AGAP1: variants seen among roughly 807,000 people sequenced by gnomAD.
AGAP1 encodes the protein ArfGAP with GTPase domain, ankyrin repeat and PH domain 1, also known as arf-GAP with GTPase, ANK repeat and PH domain-containing protein 1.
In AGAP1, 29 loss-of-function variants were observed where a neutral mutation model predicts 105.3. The ratio of observed to expected loss-of-function variants is 0.28; its 90% CI spans 0.21 to 0.38. The LOEUF (loss-of-function observed/expected upper bound fraction) is 0.38. Among genes scored for constraint, AGAP1 ranks in the 10% least tolerant of loss-of-function variants. The pLI is 1.00. For missense variants in AGAP1, 998 were observed against 1,165.1 expected (o/e 0.86, Z 2.09); for synonymous variants, 509 against 485.9 (o/e 1.05, Z -0.63).
Position 235,883,490 on chromosome 2 carries a change from T to C in AGAP1, c.1155+41T>C. 1 of 1,522,758 alleles carries C rather than the reference T, an allele frequency of 6.6e-7. No homozygotes were observed. The highest frequency in any genetic ancestry group is 9.1e-7 in the Non-Finnish European group (1 of 1,100,778). The allele number at this position is 1,522,758 out of a possible 1,614,324, so 94.3% of individuals were successfully genotyped here. On this transcript the variant is annotated intron_variant, in intron 10 of 17. Transcript: ENST00000304032. The surrounding 1 kb of genome is among the most constrained non-coding windows in gnomAD (Gnocchi z 4.5). ...TCGGAGCAATTAACAGCTGCAGACC[T>C]CAACTAAACACTGTGGGGAAGGGGA... is the stretch of plus-strand genomic sequence containing the variant.
intron 1 of AGAP1, among the ~76,000 whole-genome samples, chr2:235,684,370 AC>A (rs1164745107): frequency 1.3e-5 from 2 of 152,118 alleles, no homozygotes; most frequent in Non-Finnish European, 2.9e-5. Flanking sequence ...CAATCACGAG[AC>A]CCAGCCCATC....
chr2:235,521,558 A>G (rs143588914), intron 1 of AGAP1, among the ~76,000 whole-genome samples: 2 of 152,290 alleles, frequency 1.3e-5, no homozygotes, highest in African/African-American at 4.8e-5. Context: ...CTGCTTGGAT[A>G]CAGGTAGCTT....
rs1277747263 is a variant in AGAP1, at chr2:235,692,291, C to T, written c.164-16888C>T. On this transcript the variant is annotated intron_variant, in intron 1 of 17. Coordinates refer to ENST00000304032, the MANE Select transcript of AGAP1 (RefSeq NM_001037131.3). This position sits in a 1 kb window ranked among gnomAD's most constrained non-coding sequence, Gnocchi z 5.8. Reference sequence around the variant, plus strand: ...CTCGCCTCTGTAACAGAACGTGGCCCCTGCCTTCCATCTTCCCCAGGGTGC... The same window carrying T: ...CTCGCCTCTGTAACAGAACGTGGCCTCTGCCTTCCATCTTCCCCAGGGTGC... 1.3e-5 allele frequency among the ~76,000 whole-genome samples: 2 copies of T among 152,090 alleles called. No homozygotes were observed. The highest frequency in any genetic ancestry group is 4.8e-5 in the African/African-American group (2 of 41,404).
In AGAP1 at chr2:235,651,247, C is replaced by A. The variant is rs111249192; in HGVS notation, c.164-57932C>A. On this transcript the variant is annotated intron_variant, in intron 1 of 17. Transcript: ENST00000304032. ...CACCCTTGCAGGCAGTGGTCACAGGCCGAGGAACCTGGTGGACAAGGTGGG... is the reference window on the plus strand; with the variant it reads ...CACCCTTGCAGGCAGTGGTCACAGGACGAGGAACCTGGTGGACAAGGTGGG... Among the ~76,000 whole-genome samples the A allele has an allele frequency of 5.6e-3, 819 of 146,100 alleles. 12 individuals carry two copies. Among genetic ancestry groups the A allele is most frequent in the African/African-American group, 0.02 (788 of 39,814 alleles).
At chr2:235,512,095 G>GTGTGAATA (rs142270784) in intron 1 of AGAP1, among the ~76,000 whole-genome samples, 2 of 143,636 alleles carry the variant, frequency 1.4e-5, no homozygotes, top group South Asian at 2.3e-4. Context: ...GTGAATGTGT[G>GTGTGAATA]TGTGTGTGAA....
intron 13 of AGAP1, among the ~76,000 whole-genome samples, chr2:235,998,690 G>GT (rs1391032018): frequency 6.7e-6 from 1 of 149,428 alleles, no homozygotes; most frequent in East Asian, 2.0e-4. Flanking sequence ...GATGGTGGTG[G>GT]TGGTAGCAGT....
intron 6 of AGAP1, among the ~76,000 whole-genome samples, chr2:235,762,398 G>A (rs764793629): frequency 3.3e-5 from 5 of 152,024 alleles, no homozygotes; most frequent in African/African-American, 1.2e-4. Context: ...TTCAGGCTCC[G>A]AGCAGATCAG....
At chr2:236,098,580 T>A (rs1020700099) in intron 16 of AGAP1, among the ~76,000 whole-genome samples, 1 of 150,568 alleles carries the variant, frequency 6.6e-6, no homozygotes, top group African/African-American at 2.5e-5. Flanking sequence ...AAAAATAAAT[T>A]AAATTAAAAT....
At chr2:235,813,921 C>T (rs992165554) in intron 9 of AGAP1, among the ~76,000 whole-genome samples, 3 of 152,174 alleles carry the variant, frequency 2.0e-5, no homozygotes, top group African/African-American at 4.8e-5. Context: ...ACCCTGGAGT[C>T]GGGCCACTCA....
intron 6 of AGAP1, among the ~76,000 whole-genome samples, chr2:235,763,690 G>A (rs1373188815): frequency 2.0e-5 from 3 of 152,040 alleles, no homozygotes; most frequent in African/African-American, 7.2e-5. Flanking sequence ...TTCTGCACCT[G>A]GCCACACTGG....
chr2:235,583,978 T>C (rs1470989738), intron 1 of AGAP1, among the ~76,000 whole-genome samples: 1 of 151,632 alleles, frequency 6.6e-6, no homozygotes, highest in Non-Finnish European at 1.5e-5. Context: ...AGTGCTGGGA[T>C]TATGGGCATG....
intron 6 of AGAP1, among the ~76,000 whole-genome samples, chr2:235,774,885 T>A (rs762721503): frequency 6.6e-6 from 1 of 152,180 alleles, no homozygotes; most frequent in Non-Finnish European, 1.5e-5. Context: ...TTCATTCACC[T>A]CCTGTGCTTG....
chr2:235,540,093 A>G (rs1213977161), intron 1 of AGAP1, among the ~76,000 whole-genome samples: 1 of 149,644 alleles, frequency 6.7e-6, no homozygotes, highest in African/African-American at 2.5e-5. Flanking sequence ...GGACACCTCC[A>G]TCTCATTTTG....
At position 235,807,349 on chromosome 2, in the gene AGAP1, C is replaced by T; in HGVS notation, c.1050+18C>T. The T allele has an allele frequency of 1.3e-6, 2 of 1,569,002 alleles. No individual in the cohort carries two copies. The highest frequency in any genetic ancestry group is 1.7e-6 in the Non-Finnish European group (2 of 1,165,504). On this transcript the variant is annotated intron_variant, in intron 9 of 17. Coordinates refer to ENST00000304032, the MANE Select transcript of AGAP1 (RefSeq NM_001037131.3). ...TTAAACAGGTGAGCAGCCTCCCCAT[C>T]CTTCCCTCCCTGTCGCCGGAGATAC...
At chr2:235,710,783 A>G (rs1950816062) in intron 2 of AGAP1, among the ~76,000 whole-genome samples, 1 of 152,094 alleles carries the variant, frequency 6.6e-6, no homozygotes, top group East Asian at 1.9e-4. Flanking sequence ...AGTTTCCGTT[A>G]CTTCCTGTTA....
At chr2:235,772,625 A>G (rs1382565151) in intron 6 of AGAP1, among the ~76,000 whole-genome samples, 3 of 152,206 alleles carry the variant, frequency 2.0e-5, no homozygotes, top group Non-Finnish European at 4.4e-5. Flanking sequence ...TTTCTTGATT[A>G]TCTTCTTCTG....
At chr2:236,010,657 C>G (rs2056479078) in intron 13 of AGAP1, among the ~76,000 whole-genome samples, 1 of 152,214 alleles carries the variant, frequency 6.6e-6, no homozygotes, top group Non-Finnish European at 1.5e-5. Context: ...CCACAGTGAT[C>G]TCTCTTTGTA....
rs1460349652 is a variant in AGAP1 at position 235,692,203 on chromosome 2, C to T, written c.164-16976C>T. 1.3e-5 allele frequency among the ~76,000 whole-genome samples: 2 copies of T among 152,140 alleles called. No individual in the cohort carries two copies. Among genetic ancestry groups the T allele is most frequent in the African/African-American group, 4.8e-5 (2 of 41,428 alleles). On this transcript the variant is annotated intron_variant, in intron 1 of 17. Transcript: ENST00000304032. The surrounding 1 kb of genome is among the most constrained non-coding windows in gnomAD (Gnocchi z 5.8). ...CAGATGCCCCTACCTGGCCAGGTCT[C>T]GTCGTGTCTAGGTGGTGACAGCCAT...
Position 235,930,933 on chromosome 2 carries a change from G to A in AGAP1, c.1483+10G>A. ...TCGGCCATCAGCAGTGGTAAGAGGG[G>A]GCTCAGCCCCACGGACCCGCAGCCA... On this transcript the variant is annotated intron_variant, in intron 12 of 17. Transcript: ENST00000304032. This position sits in a 1 kb window ranked among gnomAD's most constrained non-coding sequence, Gnocchi z 7.9. The A allele has an allele frequency of 6.2e-7, 1 of 1,612,460 alleles. No homozygotes were observed. The highest frequency in any genetic ancestry group is 8.5e-7 in the Non-Finnish European group (1 of 1,179,196).
Sources: allele counts gnomAD v4.1 joint callset (sites outside exome capture counted in the v4.1 genomes callset), GRCh38; gene constraint gnomAD v4.1.1; non-coding constraint Gnocchi (gnomAD v3.1); transcripts MANE v1.5; gene names NCBI Gene and HGNC (gene_info 2026-07-23, HGNC 2026-07-21).